MGA: variants seen among roughly 807,000 people sequenced by gnomAD.
The protein encoded by MGA is MAX dimerization protein MGA.
In MGA, 40 loss-of-function variants were observed where a neutral mutation model predicts 261.1. The observed-to-expected ratio is 0.15, with a 90% CI of 0.12 to 0.20. The LOEUF is 0.20. MGA is among the 10% of genes least tolerant of loss of function. The pLI is 1.00. For synonymous variants in MGA, 1,302 were observed against 1,290.6 expected, an observed-to-expected ratio of 1.01 and a Z score of -0.19; for missense variants, 3,397 against 3,630.5, an observed-to-expected ratio of 0.94 and a Z score of 1.65.
intron 5 of MGA, among the ~76,000 whole-genome samples, chr15:41,700,319 T>A (rs1000333627): frequency 1.3e-5 from 2 of 152,110 alleles, no homozygotes; most frequent in African/African-American, 4.8e-5. Context: ...GTGCTGAGAT[T>A]ACAGGCGTGA....
chr15:41,768,081 G>A lies in MGA; in HGVS notation c.*801G>A, dbSNP rs923142659. On this transcript the variant is annotated 3_prime_UTR_variant, in exon 24 of 24. Transcript: ENST00000219905. ...GAGCCCTACCCCTTCCACAAATTAC[G>A]TTACTCAAGAGACAGCTAAAATAAA... The A allele has an allele frequency of 6.6e-6, 1 of 152,496 alleles. No homozygotes were observed. Among genetic ancestry groups the A allele is most frequent in the Non-Finnish European group, 1.5e-5 (1 of 68,024 alleles). 9.4% of individuals were successfully genotyped at this position (152,496 alleles called of 1,614,324 possible).
chr15:41,690,777 G>A lies in MGA; in HGVS notation c.1065-5298G>A, dbSNP rs117231473. Among the ~76,000 whole-genome samples, 77 of 152,220 alleles carry A rather than the reference G, an allele frequency of 5.1e-4. No individual in the cohort carries two copies. The East Asian group carries it at 0.013, about 26-fold the overall frequency. Reference sequence around the variant, plus strand: ...GTCTGTAGTCCCAGCTACTCGAGAGGCTAAAGTGGGAGGATCACTTGTTTC... The same window carrying A: ...GTCTGTAGTCCCAGCTACTCGAGAGACTAAAGTGGGAGGATCACTTGTTTC... On this transcript the variant is annotated intron_variant, in intron 2 of 23. Coordinates refer to ENST00000219905, the MANE Select transcript of MGA (RefSeq NM_001164273.2).
chr15:41,754,592 G>T, intron 18 of MGA, 25 bp downstream of exon 18: 1 of 1,525,858 alleles, frequency 6.6e-7, no homozygotes, highest in Non-Finnish European at 8.8e-7. Context: ...TCTTTGGATT[G>T]TTGTTTTTGT....
intron 2 of MGA, among the ~76,000 whole-genome samples, chr15:41,688,522 A>G (rs2059090201): frequency 6.6e-6 from 1 of 152,178 alleles, no homozygotes; most frequent in Non-Finnish European, 1.5e-5. Flanking sequence ...AATAGCTGAT[A>G]GTTGGACTTG....
At chr15:41,742,073 G>A (rs191526350) in intron 14 of MGA, among the ~76,000 whole-genome samples, 5 of 151,332 alleles carry the variant, frequency 3.3e-5, no homozygotes, top group African/African-American at 7.3e-5. Context: ...CAAGGCAAGC[G>A]TTTGATTTCT....
chr15:41,734,452 T>C (rs2061670939), intron 11 of MGA, 70 bp from the exon 12 acceptor site: 1 of 1,203,418 alleles, frequency 8.3e-7, no homozygotes, highest in African/African-American at 1.5e-5. Flanking sequence ...ATTTAATGCT[T>C]GTGTCCAAGT....
intron 5 of MGA, among the ~76,000 whole-genome samples, chr15:41,705,932 T>C (rs1260918574): frequency 6.6e-6 from 1 of 152,224 alleles, no homozygotes; most frequent in Non-Finnish European, 1.5e-5. Flanking sequence ...TACTGTGTGA[T>C]TAAATACAAT....
chr15:41,705,498 A>C (rs2060061273), intron 5 of MGA, among the ~76,000 whole-genome samples: 1 of 151,984 alleles, frequency 6.6e-6, no homozygotes, highest in Non-Finnish European at 1.5e-5. Context: ...AGTAGCTGGG[A>C]TCACAGGCAC....
At chr15:41,659,786 G>A (rs1324500205), upstream of MGA, among the ~76,000 whole-genome samples, 1 of 152,120 alleles carries the variant, frequency 6.6e-6, no homozygotes, top group East Asian at 1.9e-4. Flanking sequence ...CTTTATATCC[G>A]GCAATTTAGT....
Position 41,669,966 on chromosome 15 carries a change from G to A in MGA, c.1064+8G>A. On this transcript the variant is annotated splice_region_variant and intron_variant, in intron 2 of 23. Transcript: ENST00000219905. The stretch of plus-strand genomic sequence containing the variant: ...GCAAGAGATTTCTGAATGGTAAGTA[G>A]TAGTTTTTCTGTTCTTAGAAATAAA... 1 of 1,597,496 alleles carries A rather than the reference G, an allele frequency of 6.3e-7. No homozygotes were observed.
chr15:41,728,453 C>T (rs1408554503), intron 10 of MGA, among the ~76,000 whole-genome samples: 1 of 152,188 alleles, frequency 6.6e-6, no homozygotes, highest in Non-Finnish European at 1.5e-5. Context: ...GTACTGTTGA[C>T]TAGAAGCCTT....
intron 2 of MGA, among the ~76,000 whole-genome samples, chr15:41,678,090 A>ATT (rs540221309): frequency 1.2e-4 from 17 of 137,642 alleles, no homozygotes; most frequent in Admixed American, 1.5e-4. Context: ...TCAATTTTGA[A>ATT]TTTTTTTTTT....
upstream of MGA, chr15:41,660,265 C>A (rs1487698964): frequency 6.6e-6 from 1 of 152,484 alleles, no homozygotes; most frequent in Non-Finnish European, 1.5e-5. Context: ...GGGGGCGGGT[C>A]CCAAGGGTCT....
intron 2 of MGA, among the ~76,000 whole-genome samples, chr15:41,671,226 TG>T (rs942343206): frequency 3.3e-5 from 5 of 152,152 alleles, no homozygotes; most frequent in Non-Finnish European, 7.4e-5. Flanking sequence ...TGGGATGAGA[TG>T]GGGGGGAGGA....
At position 41,742,948 on chromosome 15, in the gene MGA, C is replaced by T; in HGVS notation, c.4988C>T (p.Thr1663Ile). Reference sequence around the variant, plus strand: ...ACAGCCACTGTGAACCTTACCAAAACCACTGGGATAACTACCCCTGTGGCT... The same window carrying T: ...ACAGCCACTGTGAACCTTACCAAAATCACTGGGATAACTACCCCTGTGGCT... The change falls in exon 15 of 24, where the codon ACC (threonine) becomes ATC (isoleucine). Residue 1663 changes from threonine (T) to isoleucine (I), a missense_variant. Physicochemically the swap from Thr to Ile is moderately conservative, Grantham distance 89 (BLOSUM62 -1). Coordinates refer to ENST00000219905, the MANE Select transcript of MGA (RefSeq NM_001164273.2). 1 of 1,614,014 alleles carries T rather than the reference C, an allele frequency of 6.2e-7. No homozygotes were observed.
chr15:41,654,091 T>C (rs993127890), intron 1 of MGA, among the ~76,000 whole-genome samples: 1 of 152,212 alleles, frequency 6.6e-6, no homozygotes, highest in Admixed American at 6.5e-5. Context: ...TTCTGTATTG[T>C]TACTGATGAG....
chr15:41,661,054 A>G (rs1276054339), intron 1 of MGA, among the ~76,000 whole-genome samples: 1 of 152,192 alleles, frequency 6.6e-6, no homozygotes. Flanking sequence ...GTCTTTTCTA[A>G]CAAGTAATTT....
At chr15:41,720,352 A>G (rs1232626429) in intron 9 of MGA, among the ~76,000 whole-genome samples, 2 of 152,188 alleles carry the variant, frequency 1.3e-5, no homozygotes, top group Non-Finnish European at 2.9e-5. Context: ...CCTGAGCAAC[A>G]TAGCAATACT....
chr15:41,729,580 G>T (rs2061404579), intron 11 of MGA, among the ~76,000 whole-genome samples: 1 of 151,990 alleles, frequency 6.6e-6, no homozygotes, highest in Admixed American at 6.6e-5. Context: ...CCAGCACTTT[G>T]GGACGCTGAG....
Sources: gnomAD v4.1 joint callset for allele counts (sites outside exome capture counted in the v4.1 genomes callset) on GRCh38, gnomAD v4.1.1 for gene constraint, MANE v1.5 for transcripts, NCBI Gene and HGNC (gene_info 2026-07-23, HGNC 2026-07-21) for gene names.